Variants in AUTS2 observed in about 807,000 individuals in gnomAD.
AUTS2 encodes autism susceptibility gene 2 protein.
In AUTS2, 17 loss-of-function variants were observed where a neutral mutation model predicts 112.4. The observed-to-expected ratio is 0.15, with a 90% CI of 0.10 to 0.23. The LOEUF (loss-of-function observed/expected upper bound fraction) is 0.23. Among genes scored for constraint, AUTS2 ranks in the 10% least tolerant of loss-of-function variants. The pLI is 1.00. For synonymous variants in AUTS2, 751 were observed against 702.7 expected (o/e 1.07, Z -1.09); for missense variants, 1,510 against 1,701.6 (o/e 0.89, Z 1.98).
At chr7:70,142,140 A>G (rs1806898953) in intron 4 of AUTS2, among the ~76,000 whole-genome samples, 1 of 152,208 alleles carries the variant, frequency 6.6e-6, no homozygotes, top group Admixed American at 6.5e-5. Flanking sequence ...TGCTGTTGCA[A>G]ACTCTTTAAG....
intron 5 of AUTS2, among the ~76,000 whole-genome samples, chr7:70,564,826 A>G (rs564152878): frequency 2.0e-5 from 3 of 152,292 alleles, no homozygotes; most frequent in Admixed American, 1.3e-4. Flanking sequence ...TAGGCCAGGC[A>G]CGGTAGCTCA....
At chr7:69,858,024 G>A (rs1792811418) in intron 1 of AUTS2, among the ~76,000 whole-genome samples, 1 of 152,160 alleles carries the variant, frequency 6.6e-6, no homozygotes, top group Admixed American at 6.6e-5. Context: ...GAGCACAGGT[G>A]TTAGGGGCAT....
chr7:69,792,716 A>C (rs1442070037), intron 1 of AUTS2, among the ~76,000 whole-genome samples: 1 of 152,028 alleles, frequency 6.6e-6, no homozygotes, highest in South Asian at 2.1e-4. Flanking sequence ...TACGAGACTG[A>C]GTATCTGAAT....
chr7:69,872,171 T>C (rs1793528747), intron 1 of AUTS2, among the ~76,000 whole-genome samples: 1 of 152,184 alleles, frequency 6.6e-6, no homozygotes, highest in South Asian at 2.1e-4. Context: ...CACACACCCA[T>C]GAAGCTGGCT....
chr7:70,361,827 GAATAA>G (rs1404070360), intron 4 of AUTS2, among the ~76,000 whole-genome samples: 2 of 152,084 alleles, frequency 1.3e-5, no homozygotes, highest in Non-Finnish European at 2.9e-5. Flanking sequence ...CTACTAAATA[GAATAA>G]AACTTGCTGA....
rs1305619236 is a variant in AUTS2, at chr7:70,790,148, T to C, written c.2932T>C (p.Ser978Pro). The C allele has an allele frequency of 6.2e-7, 1 of 1,608,954 alleles. No individual in the cohort carries two copies. Among genetic ancestry groups the C allele is most frequent in the Non-Finnish European group, 8.5e-7 (1 of 1,178,780 alleles). ...GGCCTACGAGAACCCCAAGAAGAGC[T>C]CCGAGGTCAAGGTGAAGGAGGAGCG... Reference protein sequence around the residue: ...EPAYENPKKSSEVKVKEERKE... With the variant: ...EPAYENPKKSPEVKVKEERKE... Residue 978 changes from serine to proline, a missense_variant, in exon 19 of 19, where the codon TCC (serine) becomes CCC (proline). By Grantham distance (74) the Ser-to-Pro change is moderately conservative. Around this residue, in one of 3 missense-constraint regions of AUTS2, gnomAD observed 788 missense variants for 797.6 expected, o/e 0.99. Coordinates refer to ENST00000342771, the MANE Select transcript of AUTS2 (RefSeq NM_015570.4). The surrounding 1 kb of genome is among the most constrained non-coding windows in gnomAD (Gnocchi z 7.6).
At chr7:70,663,648 A>G (rs1807188581) in intron 5 of AUTS2, among the ~76,000 whole-genome samples, 1 of 151,870 alleles carries the variant, frequency 6.6e-6, no homozygotes, top group African/African-American at 2.4e-5. Flanking sequence ...ATTGACACTT[A>G]GCACCTCTGC....
At chr7:69,910,475 T>TA (rs1394676626) in intron 2 of AUTS2, among the ~76,000 whole-genome samples, 1 of 152,090 alleles carries the variant, frequency 6.6e-6, no homozygotes, top group Non-Finnish European at 1.5e-5. Context: ...GGGCAATTTA[T>TA]AAAAAAAGAG....
intron 4 of AUTS2, among the ~76,000 whole-genome samples, chr7:70,397,977 T>C (rs886482522): frequency 1.3e-5 from 2 of 152,224 alleles, no homozygotes; most frequent in African/African-American, 2.4e-5. Context: ...TTGTATATGG[T>C]ATGAGGTATA....
intron 5 of AUTS2, among the ~76,000 whole-genome samples, chr7:70,456,056 T>C (rs750174257): frequency 6.6e-6 from 1 of 152,186 alleles, no homozygotes; most frequent in Admixed American, 6.5e-5. Flanking sequence ...AGGATTGCTG[T>C]GAGGATGTAA....
chr7:70,572,861 C>T (rs1376973546), intron 5 of AUTS2, among the ~76,000 whole-genome samples: 1 of 152,152 alleles, frequency 6.6e-6, no homozygotes, highest in African/African-American at 2.4e-5. Context: ...TTAGCTATTC[C>T]TTTTTGTTCA....
At chr7:70,259,868 A>G (rs1321391999) in intron 4 of AUTS2, among the ~76,000 whole-genome samples, 2 of 152,202 alleles carry the variant, frequency 1.3e-5, no homozygotes, top group African/African-American at 2.4e-5. Context: ...GTTTGAGTGA[A>G]GTCAGAATAA....
At chr7:70,235,034 T>C (rs879610326) in intron 4 of AUTS2, among the ~76,000 whole-genome samples, 3 of 152,206 alleles carry the variant, frequency 2.0e-5, no homozygotes, top group Non-Finnish European at 4.4e-5. Context: ...TGAAGGACTT[T>C]CCTCAAAATC....
chr7:70,247,982 G>A (rs958883727), intron 4 of AUTS2, among the ~76,000 whole-genome samples: 1 of 152,122 alleles, frequency 6.6e-6, no homozygotes, highest in Non-Finnish European at 1.5e-5. Context: ...AAATGATGAT[G>A]TGATTTTCTT....
chr7:70,613,055 A>G (rs1804177331), intron 5 of AUTS2, among the ~76,000 whole-genome samples: 1 of 152,118 alleles, frequency 6.6e-6, no homozygotes, highest in African/African-American at 2.4e-5. Flanking sequence ...TATCATAAAA[A>G]GTGATTTAGA....
chr7:70,558,108 G>A (rs1220217896), intron 5 of AUTS2, among the ~76,000 whole-genome samples: 1 of 152,130 alleles, frequency 6.6e-6, no homozygotes, highest in Non-Finnish European at 1.5e-5. Flanking sequence ...CATAAGCACA[G>A]GGACACCTCA....
rs558753952 is a variant in AUTS2 at position 70,306,886 on chromosome 7, C to T, written c.661-128866C>T. 2.6e-5 allele frequency among the ~76,000 whole-genome samples: 4 copies of T among 152,294 alleles called. No homozygotes were observed. The South Asian group carries it at 8.3e-4, about 32-fold the overall frequency. ...TGCTGGTTCTTAAATTTATCTCCAT[C>T]AAAACACAGATGTCCTGTGAGCTGG... is the stretch of plus-strand genomic sequence containing the variant. On this transcript the variant is annotated intron_variant, in intron 4 of 18. Transcript: ENST00000342771.
chr7:69,739,610 T>C (rs1350408481), intron 1 of AUTS2, among the ~76,000 whole-genome samples: 2 of 152,208 alleles, frequency 1.3e-5, no homozygotes, highest in Non-Finnish European at 2.9e-5. Context: ...TCTATCCTAC[T>C]GTTTCTTTAG....
intron 2 of AUTS2, among the ~76,000 whole-genome samples, chr7:69,928,966 T>C (rs1796131884): frequency 6.6e-6 from 1 of 152,222 alleles, no homozygotes; most frequent in African/African-American, 2.4e-5. Flanking sequence ...CCATTTCTTA[T>C]GCCCTTCATT....
Sources: allele counts gnomAD v4.1 joint callset (sites outside exome capture counted in the v4.1 genomes callset), GRCh38; gene constraint gnomAD v4.1.1; regional missense constraint gnomAD v4.1.1; non-coding constraint Gnocchi (gnomAD v3.1); transcripts MANE v1.5; gene names NCBI Gene and HGNC (gene_info 2026-07-23, HGNC 2026-07-21).